Variants in PAK1 observed in about 807,000 individuals in gnomAD.
PAK1 encodes the protein serine/threonine-protein kinase PAK 1.
Under a neutral mutation model 67.4 loss-of-function variants are expected in PAK1, and 29 were observed. The observed-to-expected ratio is 0.43, with a 90% confidence interval of 0.32 to 0.59. The LOEUF is 0.59. PAK1 is among the 20% of genes least tolerant of loss of function. The pLI is 0.07. For missense variants in PAK1, 337 were observed against 670.7 expected (o/e 0.50, Z 5.50); for synonymous variants, 223 against 237.4 (o/e 0.94, Z 0.56).
chr11:77,479,570 G>T (rs1224573707), upstream of PAK1, among the ~76,000 whole-genome samples: 1 of 147,294 alleles, frequency 6.8e-6, no homozygotes, highest in Non-Finnish European at 1.5e-5. Flanking sequence ...CAGCTATTCA[G>T]AAACCATGAA....
At chr11:77,496,119 A>G in the PAK1 span, among the ~76,000 whole-genome samples, 2 of 151,706 alleles carry the variant, frequency 1.3e-5, no homozygotes, top group Admixed American at 6.6e-5. Flanking sequence ...CCCAGGTTCA[A>G]GTAATTCTTC....
At chr11:77,376,868 G>C (rs1357801867) in intron 4 of PAK1, among the ~76,000 whole-genome samples, 1 of 152,144 alleles carries the variant, frequency 6.6e-6, no homozygotes, top group Non-Finnish European at 1.5e-5. Context: ...TTTCCATCAT[G>C]TATCAGCTGA....
the PAK1 span, among the ~76,000 whole-genome samples, chr11:77,511,051 T>A: frequency 6.6e-6 from 1 of 152,188 alleles, no homozygotes; most frequent in African/African-American, 2.4e-5. Flanking sequence ...CTGAAAGCTT[T>A]TTTTCATAAC....
the PAK1 span, among the ~76,000 whole-genome samples, chr11:77,489,010 T>G: frequency 3.3e-5 from 5 of 151,974 alleles, no homozygotes; most frequent in Non-Finnish European, 1.5e-5. Context: ...AATAACCAAC[T>G]CCCAAAGGTC....
chr11:77,447,618 G>A (rs368583348), intron 1 of PAK1, among the ~76,000 whole-genome samples: 1 of 151,846 alleles, frequency 6.6e-6, no homozygotes, highest in Non-Finnish European at 1.5e-5. Context: ...TCCACCTCCC[G>A]GGTTCAAGCG....
intron 1 of PAK1, among the ~76,000 whole-genome samples, chr11:77,428,302 AC>A: frequency 6.6e-6 from 1 of 152,206 alleles, no homozygotes; most frequent in South Asian, 2.1e-4. Flanking sequence ...GGTGGCTCAC[AC>A]CTGTAATCCC....
the PAK1 span, among the ~76,000 whole-genome samples, chr11:77,494,416 A>T: frequency 2.0e-5 from 3 of 152,144 alleles, no homozygotes; most frequent in Non-Finnish European, 4.4e-5. Flanking sequence ...ATTTTTCTTT[A>T]GACAAAGAGT....
chr11:77,342,853 C>T (rs962023901), intron 10 of PAK1, among the ~76,000 whole-genome samples: 4 of 149,564 alleles, frequency 2.7e-5, no homozygotes, highest in African/African-American at 7.4e-5. Context: ...CCTCCACCTA[C>T]GATGTCTCTG....
chr11:77,418,897 C>T (rs2844327), intron 1 of PAK1, among the ~76,000 whole-genome samples: 10,364 of 152,130 alleles, frequency 0.068, 801 homozygotes, highest in East Asian at 0.24. Context: ...AATGACTGAA[C>T]CAAATAAATA....
intron 12 of PAK1, 93 bp downstream of exon 12, chr11:77,337,231 G>A: frequency 1.8e-6 from 1 of 563,884 alleles, no homozygotes; most frequent in South Asian, 2.7e-5. Flanking sequence ...ACCCTTTGGT[G>A]AGTGTCGTAG....
intron 1 of PAK1, among the ~76,000 whole-genome samples, chr11:77,425,137 A>G (rs954392800): frequency 1.3e-5 from 2 of 152,194 alleles, no homozygotes; most frequent in African/African-American, 4.8e-5. Flanking sequence ...TTTAAGTGAT[A>G]ATAAATAAGT....
chr11:77,461,344 G>C (rs1454389439), intron 1 of PAK1, among the ~76,000 whole-genome samples: 5 of 152,220 alleles, frequency 3.3e-5, no homozygotes, highest in Non-Finnish European at 5.9e-5. Flanking sequence ...GTATTTTGCA[G>C]ATGTGGTTAA....
At chr11:77,515,796 T>C in the PAK1 span, among the ~76,000 whole-genome samples, 5 of 152,222 alleles carry the variant, frequency 3.3e-5, no homozygotes, top group African/African-American at 1.2e-4. Flanking sequence ...ACAGCAAATA[T>C]ATGTTCAGGA....
chr11:77,382,384 T>C (rs1007247661), intron 2 of PAK1, among the ~76,000 whole-genome samples: 19 of 152,166 alleles, frequency 1.2e-4, no homozygotes, highest in African/African-American at 4.6e-4. Flanking sequence ...CTCCAACTTT[T>C]TGCTTGCTTT....
intron 1 of PAK1, among the ~76,000 whole-genome samples, chr11:77,435,494 CTTTTTTTT>C (rs199613170): frequency 7.1e-6 from 1 of 141,340 alleles, no homozygotes; most frequent in African/African-American, 2.5e-5. Flanking sequence ...CATATTTTCT[CTTTTTTTT>C]TTTTTTTTTG....
intron 1 of PAK1, among the ~76,000 whole-genome samples, chr11:77,462,066 C>T (rs897288635): frequency 1.3e-5 from 2 of 152,214 alleles, no homozygotes; most frequent in Non-Finnish European, 2.9e-5. Context: ...GTGGCTCACG[C>T]CTGTAATCCC....
chr11:77,366,673 A>T (rs1947626370), intron 5 of PAK1, among the ~76,000 whole-genome samples: 1 of 152,196 alleles, frequency 6.6e-6, no homozygotes, highest in African/African-American at 2.4e-5. Context: ...CACTAAAATG[A>T]CTACAATAAA....
chr11:77,413,564 T>A (rs1954771105), intron 1 of PAK1, among the ~76,000 whole-genome samples: 1 of 151,994 alleles, frequency 6.6e-6, no homozygotes, highest in Admixed American at 6.6e-5. Context: ...GCACCTGTAA[T>A]CCCAGCTACT....
intron 1 of PAK1, among the ~76,000 whole-genome samples, chr11:77,409,414 T>C (rs997291316): frequency 3.3e-5 from 5 of 152,090 alleles, no homozygotes; most frequent in South Asian, 2.1e-4. Flanking sequence ...AAACTAAACA[T>C]AGAACTATCA....
Sources: gnomAD v4.1 joint callset for allele counts (sites outside exome capture counted in the v4.1 genomes callset) on GRCh38, gnomAD v4.1.1 for gene constraint, MANE v1.5 for transcripts, NCBI Gene and HGNC (gene_info 2026-07-23, HGNC 2026-07-21) for gene names.